The following BTBD7 variants were observed in gnomAD, a reference collection of about 807,000 sequenced individuals.
BTBD7 encodes the protein BTB/POZ domain-containing protein 7.
A neutral mutation model predicts 99.9 loss-of-function variants in BTBD7; 38 were observed. The observed-to-expected ratio is 0.38, with a 90% CI of 0.29 to 0.50. The LOEUF (loss-of-function observed/expected upper bound fraction) is 0.50, where lower values mean the gene tolerates loss of function less well. Ranked by LOEUF, BTBD7 falls within the 20% of genes least tolerant of loss-of-function variation. The pLI, the probability that BTBD7 is intolerant of heterozygous loss-of-function variation, is 0.93. For missense variants in BTBD7, 1,170 were observed against 1,394.6 expected, an observed-to-expected ratio of 0.84 and a Z score of 2.57; for synonymous variants, 520 against 511.4, an observed-to-expected ratio of 1.02 and a Z score of -0.23.
At position 93,294,681 on chromosome 14, in the gene BTBD7, C is replaced by T. The variant is rs980208581; in HGVS notation, c.339G>A (p.Glu113=). ...TAGCCAAACTGGCTTGTAGAGAAAGCTCCTTTAATGCTGATGTTCCCTCAT... is the reference window on the plus strand; with the variant it reads ...TAGCCAAACTGGCTTGTAGAGAAAGTTCCTTTAATGCTGATGTTCCCTCAT... ...EEYEGTSALK[E]LSLQASLARP... The change falls in exon 3 of 11, where the codon GAG becomes GAA. Residue 113 remains glutamate, a synonymous_variant. Coordinates refer to ENST00000334746, the MANE Select transcript of BTBD7 (RefSeq NM_001002860.4). The T allele has an allele frequency of 3.1e-6, 5 of 1,614,014 alleles. No homozygotes were observed. The African/African-American group carries it at 5.3e-5, about 17-fold the overall frequency.
At chr14:93,246,394 G>T (rs1227323834) in intron 9 of BTBD7, 108 bp from the exon 10 acceptor site, 12 of 1,198,100 alleles carry the variant, frequency 1.0e-5, no homozygotes, top group Non-Finnish European at 1.3e-5. Context: ...ACCACAGTCA[G>T]CAAGAATAAA....
chr14:93,296,607 G>A (rs1266891045), intron 1 of BTBD7, among the ~76,000 whole-genome samples: 2 of 152,044 alleles, frequency 1.3e-5, no homozygotes, highest in African/African-American at 4.8e-5. Flanking sequence ...TTGTTTTTCT[G>A]CCTTAAAATA....
At chr14:93,282,358 T>C (rs2052730633) in intron 3 of BTBD7, among the ~76,000 whole-genome samples, 1 of 148,906 alleles carries the variant, frequency 6.7e-6, no homozygotes, top group South Asian at 2.1e-4. Context: ...TTTGAGACAG[T>C]TTCGCTCTGT....
chr14:93,283,640 C>T (rs1038343004), intron 3 of BTBD7, among the ~76,000 whole-genome samples: 4 of 152,230 alleles, frequency 2.6e-5, no homozygotes, highest in African/African-American at 4.8e-5. Context: ...TAATCTCCGC[C>T]TCCCTGGTTC....
intron 1 of BTBD7, among the ~76,000 whole-genome samples, chr14:93,329,916 C>A (rs940280117): frequency 6.6e-6 from 1 of 152,158 alleles, no homozygotes; most frequent in Non-Finnish European, 1.5e-5. Context: ...TGTACTTATG[C>A]CACAGAACTA....
At chr14:93,310,157 G>A (rs2053121255) in intron 1 of BTBD7, among the ~76,000 whole-genome samples, 1 of 151,994 alleles carries the variant, frequency 6.6e-6, no homozygotes, top group Admixed American at 6.6e-5. Flanking sequence ...AATCCCAGTA[G>A]AATATTCTCA....
intron 1 of BTBD7, among the ~76,000 whole-genome samples, chr14:93,309,967 T>G (rs2139802124): frequency 6.6e-6 from 1 of 151,760 alleles, no homozygotes; most frequent in Middle Eastern, 3.4e-3. Flanking sequence ...TGGCAGGTGT[T>G]TTTTTTTCCC....
Position 93,243,043 on chromosome 14 carries a change from C to A in BTBD7, c.2629G>T (p.Gly877Cys). The A allele has an allele frequency of 6.2e-7, 1 of 1,613,992 alleles. No homozygotes were observed. The highest frequency in any genetic ancestry group is 8.5e-7 in the Non-Finnish European group (1 of 1,180,002). The change falls in exon 11 of 11, where the codon GGT becomes TGT. Residue 877 changes from glycine (G) to cysteine (C), a missense_variant. Around this residue, in one of 4 missense-constraint regions of BTBD7, gnomAD observed 495 missense variants for 525.9 expected, o/e 0.94. Coordinates refer to ENST00000334746, the MANE Select transcript of BTBD7 (RefSeq NM_001002860.4). ...TCCTTGAGTGACAGTGTGGACACACCCACCGCGATGTCTGGCATCAGATCA... is the reference window on the plus strand; with the variant it reads ...TCCTTGAGTGACAGTGTGGACACACACACCGCGATGTCTGGCATCAGATCA... ...LNDLMPDIAV[G>C]VSTLSLKDRR...
intron 1 of BTBD7, among the ~76,000 whole-genome samples, chr14:93,311,962 A>T (rs547822140): frequency 4.0e-4 from 60 of 148,316 alleles, no homozygotes; most frequent in African/African-American, 1.4e-3. Flanking sequence ...AAGTTAAAAT[A>T]AAAAAAAAAG....
chr14:93,292,439 A>G (rs2052869576), intron 3 of BTBD7, among the ~76,000 whole-genome samples: 1 of 152,184 alleles, frequency 6.6e-6, no homozygotes, highest in Non-Finnish European at 1.5e-5. Context: ...TGACATCTAA[A>G]TAGTCTATTA....
At chr14:93,259,668 G>C (rs1347253962) in intron 5 of BTBD7, among the ~76,000 whole-genome samples, 1 of 152,186 alleles carries the variant, frequency 6.6e-6, no homozygotes, top group African/African-American at 2.4e-5. Flanking sequence ...AACTGTAATG[G>C]TTTTCATATT....
At chr14:93,319,100 C>T (rs985436674) in intron 1 of BTBD7, among the ~76,000 whole-genome samples, 2 of 152,160 alleles carry the variant, frequency 1.3e-5, no homozygotes, top group Admixed American at 6.5e-5. Flanking sequence ...TCAGCTACTC[C>T]GGAGGCTGAG....
In BTBD7 at chr14:93,246,207, C is replaced by G; in HGVS notation, c.2201G>C (p.Arg734Pro). 1 of 1,606,962 alleles carries G rather than the reference C, an allele frequency of 6.2e-7. No homozygotes were observed. The highest frequency in any genetic ancestry group is 8.5e-7 in the Non-Finnish European group (1 of 1,176,334). ...TTCTGCAGGAGGTGTACTGTTTACG[C>G]GACATCTCCCAGGCTGTCTCATTGT... is the stretch of plus-strand genomic sequence containing the variant. ...LLTMRQPGRC[R>P]VNSTPPAETM... Residue 734 changes from arginine to proline, a missense_variant, in exon 10 of 11, where the codon CGC becomes CCC. Physicochemically the swap from Arg to Pro is moderately radical, Grantham distance 103 (BLOSUM62 -2). This residue lies in a region of BTBD7 where 495 missense variants were observed against 525.9 expected (regional missense o/e 0.94). Transcript: ENST00000334746.
intron 3 of BTBD7, among the ~76,000 whole-genome samples, chr14:93,286,333 G>A (rs1014223284): frequency 6.6e-6 from 1 of 152,164 alleles, no homozygotes; most frequent in Non-Finnish European, 1.5e-5. Flanking sequence ...GACTAACATA[G>A]GAATGCTACC....
intron 3 of BTBD7, among the ~76,000 whole-genome samples, chr14:93,289,759 G>A (rs2052824156): frequency 1.3e-5 from 2 of 151,822 alleles, no homozygotes; most frequent in Non-Finnish European, 1.5e-5. Flanking sequence ...GTAAGTTGAG[G>A]CCGTTATCTA....
chr14:93,257,956 TC>T (rs991779905), intron 5 of BTBD7, among the ~76,000 whole-genome samples: 53 of 148,506 alleles, frequency 3.6e-4, no homozygotes, highest in African/African-American at 1.4e-3. Context: ...TATATGTCCA[TC>T]ATCCAAGGCA....
At chr14:93,288,850 T>C (rs927704449) in intron 3 of BTBD7, 5 of 1,213,574 alleles carry the variant, frequency 4.1e-6, no homozygotes, top group South Asian at 1.6e-5. Context: ...AGTTTCTTCT[T>C]GTATTTGCCT....
chr14:93,288,635 AT>A (rs762194604), intron 3 of BTBD7: 4 of 1,244,682 alleles, frequency 3.2e-6, no homozygotes, highest in East Asian at 2.3e-5. Flanking sequence ...GGGTTTTCAT[AT>A]TTAAGATTGA....
chr14:93,262,584 G>A (rs1310232265), intron 4 of BTBD7, among the ~76,000 whole-genome samples: 1 of 152,132 alleles, frequency 6.6e-6, no homozygotes, highest in Non-Finnish European at 1.5e-5. Flanking sequence ...GAAAGTGTAA[G>A]TATAGGGTAT....
Sources: gnomAD v4.1 joint callset for allele counts (sites outside exome capture counted in the v4.1 genomes callset) on GRCh38, gnomAD v4.1.1 for gene constraint, gnomAD v4.1.1 regional missense constraint, MANE v1.5 for transcripts, NCBI Gene and HGNC (gene_info 2026-07-23, HGNC 2026-07-21) for gene names.